The following CHSY1 variants were observed in gnomAD, a reference collection of about 807,000 sequenced individuals.
CHSY1 encodes chondroitin sulfate synthase 1, also known as N-acetylgalactosaminyl-proteoglycan 3-beta-glucuronosyltransferase 1.
A neutral mutation model predicts 59.8 loss-of-function variants in CHSY1; 13 were observed. The observed-to-expected ratio is 0.22, with a 90% CI of 0.14 to 0.35. The LOEUF (loss-of-function observed/expected upper bound fraction) is 0.35, where lower values mean the gene tolerates loss of function less well. Ranked by LOEUF, CHSY1 falls within the 10% of genes least tolerant of loss-of-function variation. CHSY1 has a pLI of 1.00. For synonymous variants in CHSY1, 459 were observed against 401.2 expected (o/e 1.14, Z -1.72); for missense variants, 947 against 1,030.6 (o/e 0.92, Z 1.11).
intron 2 of CHSY1, among the ~76,000 whole-genome samples, chr15:101,211,121 C>G (rs1297007260): frequency 6.6e-6 from 1 of 152,154 alleles, no homozygotes; most frequent in Admixed American, 6.5e-5. Flanking sequence ...GTCAGGAGTT[C>G]ATGACCAGCC....
In CHSY1 at chr15:101,246,760, CCAGGG is replaced by C. The variant is rs1329873211; in HGVS notation, c.320+4372_320+4376del. 2.0e-5 allele frequency among the ~76,000 whole-genome samples: 3 copies of C among 152,182 alleles called. No individual in the cohort carries two copies. The East Asian group carries it at 5.8e-4, about 29-fold the overall frequency. On this transcript the variant is annotated intron_variant, in intron 1 of 2. Coordinates refer to ENST00000254190, the MANE Select transcript of CHSY1 (RefSeq NM_014918.5). ...GGAAACGTTACCTTTAAAAATCTCT[CCAGGG>C]CAGTAACTGTGAACCTGGGGTAGAG...
intron 2 of CHSY1, among the ~76,000 whole-genome samples, chr15:101,197,901 A>G (rs553659009): frequency 6.6e-5 from 10 of 152,252 alleles, no homozygotes; most frequent in South Asian, 4.1e-4. Context: ...TGGACGCCTT[A>G]TATCTGAAAC....
At chr15:101,197,911 C>T (rs755755462) in intron 2 of CHSY1, among the ~76,000 whole-genome samples, 2 of 152,084 alleles carry the variant, frequency 1.3e-5, no homozygotes, top group African/African-American at 2.4e-5. Flanking sequence ...ATATCTGAAA[C>T]CTGAGAAACA....
rs868596815 is a variant in CHSY1, at chr15:101,220,709, C to G, written c.816+14373G>C. On this transcript the variant is annotated intron_variant, in intron 2 of 2. Coordinates refer to ENST00000254190, the MANE Select transcript of CHSY1 (RefSeq NM_014918.5). ...CTCACTGACTGTAACCCTCAATGTT[C>G]TTATCACAGAAGGGGACAGGCCTCA... Among the ~76,000 whole-genome samples, 4 of 152,362 alleles carry G rather than the reference C, an allele frequency of 2.6e-5. No homozygotes were observed. In the Middle Eastern group the frequency reaches 0.014, roughly 518 times the overall value.
intron 2 of CHSY1, among the ~76,000 whole-genome samples, chr15:101,188,424 C>T (rs967654812): frequency 3.3e-5 from 5 of 152,224 alleles, no homozygotes; most frequent in African/African-American, 9.6e-5. Context: ...CCAGCATAAA[C>T]GGTGGCGGTC....
At chr15:101,246,671 G>A (rs952124344) in intron 1 of CHSY1, among the ~76,000 whole-genome samples, 1 of 152,090 alleles carries the variant, frequency 6.6e-6, no homozygotes, top group African/African-American at 2.4e-5. Flanking sequence ...ATGGTGCTGC[G>A]ACCACATACT....
chr15:101,195,773 C>G (rs1328370541), intron 2 of CHSY1, among the ~76,000 whole-genome samples: 1 of 143,550 alleles, frequency 7.0e-6, no homozygotes, highest in Non-Finnish European at 1.5e-5. Flanking sequence ...TGCAGTGAGC[C>G]GAGATAGTGC....
rs2038221005 is a variant in CHSY1, at chr15:101,178,193, T to A, written c.1604A>T (p.Asn535Ile). The A allele has an allele frequency of 1.9e-6, 3 of 1,614,032 alleles. No individual in the cohort carries two copies. The highest frequency in any genetic ancestry group is 2.5e-6 in the Non-Finnish European group (3 of 1,180,044). The part of the protein sequence containing the change: ...EHKEPKDKKI[N>I]ILIPLSGRFD... ...ACGCCCAGACAAAGGAATCAGTATG[T>A]TTATCTTTTTATCTTTGGGTTCTTT... Residue 535 changes from asparagine to isoleucine, a missense_variant, in exon 3 of 3, where the codon AAC (asparagine) becomes ATC (isoleucine). Coordinates refer to ENST00000254190, the MANE Select transcript of CHSY1 (RefSeq NM_014918.5).
intron 2 of CHSY1, among the ~76,000 whole-genome samples, chr15:101,231,473 T>C (rs539989146): frequency 2.5e-4 from 38 of 152,278 alleles, no homozygotes; most frequent in African/African-American, 8.9e-4. Context: ...TATAAGCCCT[T>C]TGCACTTCTG....
At chr15:101,224,686 C>T (rs2141268909) in intron 2 of CHSY1, among the ~76,000 whole-genome samples, 1 of 152,284 alleles carries the variant, frequency 6.6e-6, no homozygotes, top group Non-Finnish European at 1.5e-5. Flanking sequence ...GTCTAAGACC[C>T]ACAGGCAATG....
chr15:101,238,759 A>G (rs2038972743), intron 1 of CHSY1, among the ~76,000 whole-genome samples: 1 of 152,250 alleles, frequency 6.6e-6, no homozygotes, highest in Admixed American at 6.5e-5. Context: ...CAAAAAACAA[A>G]TTCAGCCCAG....
At chr15:101,219,398 T>C (rs1420186249) in intron 2 of CHSY1, among the ~76,000 whole-genome samples, 2 of 152,236 alleles carry the variant, frequency 1.3e-5, no homozygotes, top group African/African-American at 4.8e-5. Flanking sequence ...CTGGTAGATT[T>C]CTATGCAGTT....
chr15:101,243,046 T>C (rs2039017708), intron 1 of CHSY1, among the ~76,000 whole-genome samples: 1 of 152,002 alleles, frequency 6.6e-6, no homozygotes, highest in Non-Finnish European at 1.5e-5. Context: ...TAAAGAGCCC[T>C]TTTTTTTCTT....
chr15:101,181,781 C>T (rs988017187), intron 2 of CHSY1, among the ~76,000 whole-genome samples: 2 of 152,150 alleles, frequency 1.3e-5, no homozygotes, highest in African/African-American at 2.4e-5. Context: ...GATCCTTGAA[C>T]GACGTGGGGG....
At chr15:101,240,480 C>T (rs923731550) in intron 1 of CHSY1, among the ~76,000 whole-genome samples, 1 of 152,184 alleles carries the variant, frequency 6.6e-6, no homozygotes, top group African/African-American at 2.4e-5. Flanking sequence ...TTTGCAGAGG[C>T]CTTGCCAGAA....
At chr15:101,232,257 C>T (rs2038899917) in intron 2 of CHSY1, among the ~76,000 whole-genome samples, 1 of 152,112 alleles carries the variant, frequency 6.6e-6, no homozygotes, top group African/African-American at 2.4e-5. Flanking sequence ...TAAGACTCCA[C>T]CTCAATAATT....
intron 2 of CHSY1, among the ~76,000 whole-genome samples, chr15:101,214,890 G>A (rs545514312): frequency 6.6e-6 from 1 of 151,468 alleles, no homozygotes; most frequent in Non-Finnish European, 1.5e-5. Flanking sequence ...GGAGGTGGCT[G>A]GATCATGGAG....
chr15:101,196,126 G>A (rs1254885245), intron 2 of CHSY1, among the ~76,000 whole-genome samples: 1 of 150,946 alleles, frequency 6.6e-6, no homozygotes, highest in African/African-American at 2.4e-5. Context: ...GAGGGCGCCT[G>A]TAATTCCAGC....
rs374543077 is a variant in CHSY1 at position 101,177,430 on chromosome 15, G to A, written c.2367C>T (p.Tyr789=). The A allele has an allele frequency of 1.2e-6, 2 of 1,613,638 alleles. No individual in the cohort carries two copies. Among genetic ancestry groups the A allele is most frequent in the Non-Finnish European group, 1.7e-6 (2 of 1,179,860 alleles). The change falls in exon 3 of 3, where the codon TAC becomes TAT. Residue 789 remains tyrosine, a synonymous_variant. Coordinates refer to ENST00000254190, the MANE Select transcript of CHSY1 (RefSeq NM_014918.5). ...AGCCATTATTATTGCTGCTTTTACTGTAACTTGGATCATTTTTTTCCAGCC... is the reference window on the plus strand; with the variant it reads ...AGCCATTATTATTGCTGCTTTTACTATAACTTGGATCATTTTTTTCCAGCC... ...EMWLEKNDPS[Y]SKSSNNNGSV...
Sources: gnomAD v4.1 joint callset for allele counts (sites outside exome capture counted in the v4.1 genomes callset) on GRCh38, gnomAD v4.1.1 for gene constraint, MANE v1.5 for transcripts, NCBI Gene and HGNC (gene_info 2026-07-23, HGNC 2026-07-21) for gene names.